CFAP43: variants seen among roughly 807,000 people sequenced by gnomAD.
CFAP43 encodes the protein cilia and flagella associated protein 43.
Under a neutral mutation model 218.9 loss-of-function variants are expected in CFAP43, and 155 were observed. The observed-to-expected ratio is 0.71, with a 90% CI of 0.62 to 0.81. The LOEUF is 0.81. Among genes scored for constraint, CFAP43 ranks in the 30% least tolerant of loss-of-function variants. CFAP43 has a pLI of 0.00. For synonymous variants in CFAP43, 645 were observed against 681.3 expected (o/e 0.95, Z 0.83); for missense variants, 1,778 against 1,954.3 (o/e 0.91, Z 1.70).
Position 104,179,885 on chromosome 10 carries a change from G to T in CFAP43, c.2337C>A (p.Thr779=), listed in dbSNP as rs201911016. ...TCCAAGGAATTTCCTTCTTAACATC[G>T]GTTAGAACTAATTCATCTTGTGATA... ...TDLSQDELVL[T]DVKKEIPWIQ... The change falls in exon 18 of 38, where the codon ACC becomes ACA. Residue 779 remains threonine, a synonymous_variant. Coordinates refer to ENST00000357060, the MANE Select transcript of CFAP43 (RefSeq NM_025145.7). 6.2e-7 allele frequency: 1 copy of T among 1,613,568 alleles called. No homozygotes were observed. The highest frequency in any genetic ancestry group is 1.1e-5 in the South Asian group (1 of 90,922).
At chr10:104,175,080 C>CA (rs1313946980) in intron 19 of CFAP43, among the ~76,000 whole-genome samples, 1 of 149,508 alleles carries the variant, frequency 6.7e-6, no homozygotes, top group Non-Finnish European at 1.5e-5. Context: ...AACAAACAAA[C>CA]AAACAAACAA....
At position 104,167,464 on chromosome 10, in the gene CFAP43, A is replaced by G. The variant is rs758489829; in HGVS notation, c.2808+157T>C. The G allele has an allele frequency of 1.6e-5, 8 of 485,652 alleles. No homozygotes were observed. In the South Asian group the frequency reaches 3.1e-4, roughly 19 times the overall value. 30.1% of individuals were successfully genotyped at this position (485,652 alleles called of 1,614,324 possible). ...ATTTATTGTGTGGATATAGGCTCCT[A>G]TAGTTATTAGAATATATTCTACAAA... On this transcript the variant is annotated intron_variant, in intron 22 of 37. Coordinates refer to ENST00000357060, the MANE Select transcript of CFAP43 (RefSeq NM_025145.7).
intron 16 of CFAP43, among the ~76,000 whole-genome samples, chr10:104,184,462 C>CTTTTTTTTTTTTTTTTT (rs34684487): frequency 1.4e-5 from 2 of 142,080 alleles, no homozygotes; most frequent in Non-Finnish European, 1.5e-5. Flanking sequence ...TTAACTATGT[C>CTTTTTTTTTTTTTTTTT]TTTTTTTTTT....
At chr10:104,226,408 A>G (rs944813747) in intron 2 of CFAP43, among the ~76,000 whole-genome samples, 3 of 152,334 alleles carry the variant, frequency 2.0e-5, no homozygotes, top group African/African-American at 7.2e-5. Flanking sequence ...GAAAAAATGT[A>G]TTTATTGAGC....
Position 104,230,787 on chromosome 10 carries a change from C to T in CFAP43, c.122G>A (p.Cys41Tyr), listed in dbSNP as rs1419542030. 11 of 1,613,872 alleles carry T rather than the reference C, an allele frequency of 6.8e-6. No homozygotes were observed. The highest frequency in any genetic ancestry group is 9.3e-6 in the Non-Finnish European group (11 of 1,179,964). ...TATTACATAATTCCCACAAGGGTAG[C>T]AAATGGTGTTGTCGTTGACAAAATG... ...NVHFVNDNTI[C>Y]YPCGNYVIFI... The change falls in exon 2 of 38, where the codon TGC becomes TAC. Residue 41 changes from cysteine (C) to tyrosine (Y), a missense_variant. Transcript: ENST00000357060.
chr10:104,145,820 G>A (rs1187168325), intron 30 of CFAP43, among the ~76,000 whole-genome samples: 1 of 152,132 alleles, frequency 6.6e-6, no homozygotes, highest in Non-Finnish European at 1.5e-5. Flanking sequence ...GTTTCCCAAA[G>A]AAGTGTCCCA....
intron 3 of CFAP43, among the ~76,000 whole-genome samples, chr10:104,214,914 G>T (rs2090972295): frequency 6.6e-6 from 1 of 152,040 alleles, no homozygotes; most frequent in Non-Finnish European, 1.5e-5. Context: ...AAAGCGGGTG[G>T]ATCACGAGGT....
In CFAP43 at chr10:104,146,363, A is replaced by G. The variant is rs760601284; in HGVS notation, c.3769-14T>C. 13 of 1,608,224 alleles carry G rather than the reference A, an allele frequency of 8.1e-6. No individual in the cohort carries two copies. The highest frequency in any genetic ancestry group is 1.1e-5 in the Non-Finnish European group (13 of 1,174,978). On this transcript the variant is annotated splice_polypyrimidine_tract_variant and intron_variant, in intron 29 of 37. Coordinates refer to ENST00000357060, the MANE Select transcript of CFAP43 (RefSeq NM_025145.7). ...TGAAGTCTGGCTCTATAACAGCATC[A>G]GGAATAGTTGATTGAAACTGGAGAC...
chr10:104,130,156 C>G lies in CFAP43; in HGVS notation c.4981G>C (p.Ala1661Pro). Residue 1661 changes from alanine to proline, a missense_variant, in exon 38 of 38, where the codon GCT becomes CCT. Physicochemically the swap from Ala to Pro is conservative, Grantham distance 27. Around this residue, in one of 3 missense-constraint regions of CFAP43, gnomAD observed 211 missense variants for 230.6 expected, o/e 0.91. Transcript: ENST00000357060. ...VERLRMKTFP[A>P]LVQM ...CAGCGTTTTTACATTTGAACAAGAG[C>G]AGGAAATGTTTTCATTCTTAATCTT... 6.3e-7 allele frequency: 1 copy of G among 1,597,576 alleles called. No individual in the cohort carries two copies.
intron 27 of CFAP43, among the ~76,000 whole-genome samples, chr10:104,154,182 C>T (rs373321800): frequency 6.6e-6 from 1 of 152,186 alleles, no homozygotes; most frequent in Admixed American, 6.5e-5. Flanking sequence ...TGTTTCTCAT[C>T]ACACTTTTAT....
At chr10:104,187,599 C>T in intron 13 of CFAP43, 107 bp from the exon 14 acceptor site, 1 of 977,254 alleles carries the variant, frequency 1.0e-6, no homozygotes, top group Non-Finnish European at 1.4e-6. Context: ...AAATGCTCAA[C>T]TAATATTGCG....
intron 27 of CFAP43, among the ~76,000 whole-genome samples, chr10:104,159,437 T>C (rs145413670): frequency 6.6e-6 from 1 of 152,210 alleles, no homozygotes; most frequent in African/African-American, 2.4e-5. Flanking sequence ...TCTACACTGA[T>C]GGGGAAAATC....
chr10:104,180,701 TC>T (rs1169175902), intron 17 of CFAP43, among the ~76,000 whole-genome samples: 2 of 152,120 alleles, frequency 1.3e-5, no homozygotes, highest in Non-Finnish European at 2.9e-5. Flanking sequence ...CACCTCGGCC[TC>T]CCAAAGTGCT....
At chr10:104,211,183 A>G (rs1469648074) in intron 5 of CFAP43, among the ~76,000 whole-genome samples, 1 of 152,072 alleles carries the variant, frequency 6.6e-6, no homozygotes, top group African/African-American at 2.4e-5. Context: ...GTCTCCATTT[A>G]TTCTGTTGTA....
intron 27 of CFAP43, among the ~76,000 whole-genome samples, chr10:104,154,707 C>A (rs980322334): frequency 2.0e-5 from 3 of 152,200 alleles, no homozygotes; most frequent in African/African-American, 7.2e-5. Context: ...GTCTCTGGTC[C>A]TGAAAGAATC....
Position 104,203,931 on chromosome 10 carries a change from T to C in CFAP43, c.964-128A>G, listed in dbSNP as rs942000131. On this transcript the variant is annotated intron_variant, in intron 7 of 37. Coordinates refer to ENST00000357060, the MANE Select transcript of CFAP43 (RefSeq NM_025145.7). ...TTTGGAATCATCATCTATGTTTGCA[T>C]AGATGCACTGTCCTCTCATCTTTAT... 3 of 769,080 alleles carry C rather than the reference T, an allele frequency of 3.9e-6. No homozygotes were observed. The African/African-American group carries it at 5.4e-5, about 14-fold the overall frequency. The allele number at this position is 769,080 out of a possible 1,614,324, so 47.6% of individuals were successfully genotyped here.
In CFAP43 at chr10:104,193,724, G is replaced by A. The variant is rs112091072; in HGVS notation, c.1442+142C>T. The A allele has an allele frequency of 3.6e-4, 418 of 1,165,054 alleles. 2 individuals are homozygous for A. In the African/African-American group the frequency reaches 5.6e-3, roughly 16 times the overall value. 72.2% of individuals were successfully genotyped at this position (1,165,054 alleles called of 1,614,324 possible). ...TACTACACAGCCCTCTGTACCTTTTGAGTGTTGAACTGTGTGAATATATTA... is the reference window on the plus strand; with the variant it reads ...TACTACACAGCCCTCTGTACCTTTTAAGTGTTGAACTGTGTGAATATATTA... On this transcript the variant is annotated intron_variant, in intron 11 of 37. Coordinates refer to ENST00000357060, the MANE Select transcript of CFAP43 (RefSeq NM_025145.7).
chr10:104,132,173 C>A lies in CFAP43; in HGVS notation c.4620G>T (p.Glu1540Asp). ...TTCCAATCTGAATACTAATCAGAGC[C>A]TCATAGTTTGGTTCATTTAGGTACT... Reference protein sequence around the residue: ...RQKYLNEPNYEALISIQIGIM... With the variant: ...RQKYLNEPNYDALISIQIGIM... The change falls in exon 36 of 38, where the codon GAG becomes GAT. Residue 1540 changes from glutamate (E) to aspartate (D), a missense_variant. Glu to Asp is a conservative substitution (Grantham distance 45, BLOSUM62 2). Around this residue, in one of 3 missense-constraint regions of CFAP43, gnomAD observed 211 missense variants for 230.6 expected, o/e 0.91. Coordinates refer to ENST00000357060, the MANE Select transcript of CFAP43 (RefSeq NM_025145.7). 6.2e-7 allele frequency: 1 copy of A among 1,600,290 alleles called. No homozygotes were observed. Among genetic ancestry groups the A allele is most frequent in the Non-Finnish European group, 8.5e-7 (1 of 1,174,326 alleles).
At chr10:104,221,188 T>C (rs999951863) in intron 3 of CFAP43, among the ~76,000 whole-genome samples, 1 of 152,214 alleles carries the variant, frequency 6.6e-6, no homozygotes. Flanking sequence ...TTGGCCAGGC[T>C]GGTCTCGAAC....
Sources: allele counts gnomAD v4.1 joint callset (sites outside exome capture counted in the v4.1 genomes callset), GRCh38; gene constraint gnomAD v4.1.1; regional missense constraint gnomAD v4.1.1; transcripts MANE v1.5; gene names NCBI Gene and HGNC (gene_info 2026-07-23, HGNC 2026-07-21).